SYNE2: variants seen among roughly 807,000 people sequenced by gnomAD.
SYNE2 encodes the protein spectrin repeat containing nuclear envelope protein 2, also known as nesprin-2.
SYNE2 carries 431 observed loss-of-function variants against 856.3 expected under a neutral mutation model. That is an observed-to-expected ratio of 0.50 (90% CI 0.47 to 0.55). SYNE2 has a LOEUF of 0.55. SYNE2 is among the 20% of genes least tolerant of loss of function. The probability of loss-of-function intolerance (pLI) is 0.00; values close to 1 mark genes in which losing one functional copy is unlikely to be tolerated. For missense variants in SYNE2, 8,129 were observed against 8,023.2 expected (o/e 1.01, Z -0.50); for synonymous variants, 2,923 against 2,872.3 (o/e 1.02, Z -0.56).
rs553240621 is a variant in SYNE2, at chr14:64,197,972, G to A, written c.18039-4829G>A. 1.3e-3 allele frequency among the ~76,000 whole-genome samples: 191 copies of A among 152,202 alleles called. 1 individual carries two copies. The highest frequency in any genetic ancestry group is 4.3e-3 in the African/African-American group (179 of 41,532). ...GCTCTTAGGCATAATTCTTTTGTTT[G>A]GTTTCATAGAAAACATTTTGCTTTT... On this transcript the variant is annotated intron_variant, in intron 99 of 115. Transcript: ENST00000555002.
intron 96 of SYNE2, among the ~76,000 whole-genome samples, chr14:64,185,861 A>G (rs78379729): frequency 0.048 from 7,247 of 152,242 alleles, 173 homozygotes; most frequent in African/African-American, 0.058. Context: ...ATGGCCAGAA[A>G]AATATCTGCT....
chr14:63,865,689 G>T (rs1012560543), intron 1 of SYNE2, among the ~76,000 whole-genome samples: 1 of 138,192 alleles, frequency 7.2e-6, no homozygotes, highest in Non-Finnish European at 1.5e-5. Context: ...TCCAGCCTGG[G>T]CAACAAGAGC....
chr14:63,777,558 G>A (rs1308010532), intron 1 of SYNE2, among the ~76,000 whole-genome samples: 1 of 152,128 alleles, frequency 6.6e-6, no homozygotes, highest in Non-Finnish European at 1.5e-5. Flanking sequence ...ACCAGTCTGA[G>A]ACCTTCAGCT....
chr14:63,836,664 T>A (rs1241395285), intron 1 of SYNE2, among the ~76,000 whole-genome samples: 1 of 152,176 alleles, frequency 6.6e-6, no homozygotes. Context: ...ACCACCACCT[T>A]GGTCCAAGAC....
At chr14:63,935,285 A>G (rs1220354372) in intron 2 of SYNE2, among the ~76,000 whole-genome samples, 1 of 152,266 alleles carries the variant, frequency 6.6e-6, no homozygotes, top group African/African-American at 2.4e-5. Flanking sequence ...TATAAAGTGT[A>G]TATCAGTAGT....
intron 105 of SYNE2, 91 bp from the exon 106 acceptor site, chr14:64,214,103 G>A: frequency 1.3e-6 from 2 of 1,587,984 alleles, no homozygotes; most frequent in African/African-American, 1.4e-5. Flanking sequence ...AGTTATTTTT[G>A]GAAACTGCTA....
intron 97 of SYNE2, among the ~76,000 whole-genome samples, chr14:64,187,879 C>T (rs544841379): frequency 1.3e-5 from 2 of 152,250 alleles, no homozygotes; most frequent in South Asian, 2.1e-4. Context: ...AGGAGGAGGA[C>T]CCTTAGCTGA....
chr14:63,797,268 G>A (rs1479376210), intron 1 of SYNE2, among the ~76,000 whole-genome samples: 10 of 148,812 alleles, frequency 6.7e-5, no homozygotes, highest in East Asian at 2.1e-4. Context: ...GCGTGTGCCC[G>A]TAAAGCCAGC....
intron 76 of SYNE2, among the ~76,000 whole-genome samples, chr14:64,131,843 G>A (rs982204067): frequency 2.0e-5 from 3 of 152,162 alleles, no homozygotes; most frequent in Non-Finnish European, 4.4e-5. Context: ...CATTTAAAAT[G>A]GATTATTTAG....
intron 1 of SYNE2, among the ~76,000 whole-genome samples, chr14:63,831,007 A>G (rs557428200): frequency 1.0e-3 from 153 of 151,770 alleles, no homozygotes; most frequent in South Asian, 5.0e-3. Flanking sequence ...TGCCCGGCTA[A>G]TTTTTGTATT....
intron 45 of SYNE2, among the ~76,000 whole-genome samples, chr14:64,036,727 C>T (rs1163704113): frequency 6.6e-6 from 1 of 151,924 alleles, no homozygotes; most frequent in African/African-American, 2.4e-5. Context: ...ACTTACAGGC[C>T]AAAGACAAAT....
chr14:64,175,713 A>G (rs182198898), intron 95 of SYNE2, among the ~76,000 whole-genome samples: 27 of 152,012 alleles, frequency 1.8e-4, no homozygotes, highest in Admixed American at 1.3e-4. Context: ...CAAACTGTCT[A>G]TTTTTACTTT....
intron 1 of SYNE2, among the ~76,000 whole-genome samples, chr14:63,814,669 CATATATATCCATATATATCCAT>C (rs1366670340): frequency 4.8e-4 from 27 of 55,714 alleles, no homozygotes; most frequent in East Asian, 1.5e-3. Context: ...TATATATATC[CATATATATCCATATATATCCAT>C]ATATATATCC....
At chr14:63,928,064 A>G (rs1041314410) in intron 2 of SYNE2, among the ~76,000 whole-genome samples, 3 of 152,014 alleles carry the variant, frequency 2.0e-5, no homozygotes, top group Non-Finnish European at 2.9e-5. Flanking sequence ...AGTAGGAAAA[A>G]AAAAAAGACT....
chr14:64,074,661 C>T (rs2097442459), intron 53 of SYNE2, among the ~76,000 whole-genome samples: 1 of 152,106 alleles, frequency 6.6e-6, no homozygotes, highest in Non-Finnish European at 1.5e-5. Context: ...TTTGAGAGGT[C>T]CAGGCAGGCA....
intron 1 of SYNE2, among the ~76,000 whole-genome samples, chr14:63,785,911 G>T (rs1887506160): frequency 6.6e-6 from 1 of 152,062 alleles, no homozygotes; most frequent in South Asian, 2.1e-4. Flanking sequence ...TTCAAGACCA[G>T]CCTGGGCATC....
At chr14:63,814,813 T>TAC (rs1309318785) in intron 1 of SYNE2, among the ~76,000 whole-genome samples, 17 of 126,360 alleles carry the variant, frequency 1.3e-4, no homozygotes, top group African/African-American at 5.1e-4. Flanking sequence ...TATATCCATA[T>TAC]ATATATCCAT....
intron 34 of SYNE2, 90 bp downstream of exon 34, chr14:64,017,846 T>C (rs2096905287): frequency 7.7e-7 from 1 of 1,300,552 alleles, no homozygotes; most frequent in African/African-American, 1.5e-5. Flanking sequence ...ATTAGGATGC[T>C]CATATGTGAC....
At chr14:63,978,081 C>G in intron 13 of SYNE2, 64 bp downstream of exon 13, 1 of 1,022,664 alleles carries the variant, frequency 9.8e-7, no homozygotes, top group Non-Finnish European at 1.6e-6. Context: ...ACTGATACTA[C>G]AGGGACCACA....
Sources: gnomAD v4.1 joint callset for allele counts (sites outside exome capture counted in the v4.1 genomes callset) on GRCh38, gnomAD v4.1.1 for gene constraint, MANE v1.5 for transcripts, NCBI Gene and HGNC (gene_info 2026-07-23, HGNC 2026-07-21) for gene names.